Variants in REEP3 observed in about 807,000 individuals in gnomAD.
The protein encoded by REEP3 is receptor accessory protein 3.
REEP3 carries 20 observed loss-of-function variants against 41.3 expected under a neutral mutation model. The ratio of observed to expected loss-of-function variants is 0.48; its 90% CI spans 0.34 to 0.70. The LOEUF (loss-of-function observed/expected upper bound fraction) is 0.70. REEP3 is among the 30% of genes least tolerant of loss of function. The pLI is 0.01. For synonymous variants in REEP3, 104 were observed against 101.8 expected (o/e 1.02, Z -0.13); for missense variants, 271 against 308.8 (o/e 0.88, Z 0.92).
intron 2 of REEP3, among the ~76,000 whole-genome samples, chr10:63,592,262 G>C (rs1956071127): frequency 6.6e-6 from 1 of 152,130 alleles, no homozygotes; most frequent in Non-Finnish European, 1.5e-5. Context: ...CAGTGATCTT[G>C]AGCAACTTAT....
chr10:63,543,852 G>A (rs1955553465), intron 1 of REEP3, among the ~76,000 whole-genome samples: 1 of 152,092 alleles, frequency 6.6e-6, no homozygotes. Context: ...TGTGTACCGT[G>A]TGCCTGGCAT....
intron 3 of REEP3, 103 bp from the exon 4 acceptor site, chr10:63,597,919 AAC>A: frequency 4.8e-6 from 5 of 1,050,420 alleles, no homozygotes; most frequent in South Asian, 1.7e-5. Flanking sequence ...AAAAAAAAAA[AAC>A]AAAAAACAGC....
chr10:63,609,817 A>C (rs996991625), intron 5 of REEP3, among the ~76,000 whole-genome samples: 5 of 152,132 alleles, frequency 3.3e-5, no homozygotes, highest in Non-Finnish European at 7.4e-5. Context: ...AGTTGCCCTA[A>C]ATATTAAAGT....
intron 1 of REEP3, among the ~76,000 whole-genome samples, chr10:63,544,784 G>A (rs569458653): frequency 6.6e-6 from 1 of 152,126 alleles, no homozygotes; most frequent in South Asian, 2.1e-4. Flanking sequence ...TGGATAATAT[G>A]TAGTAAGTTT....
At chr10:63,557,510 T>G (rs537587018) in intron 1 of REEP3, among the ~76,000 whole-genome samples, 1 of 152,348 alleles carries the variant, frequency 6.6e-6, no homozygotes, top group African/African-American at 2.4e-5. Flanking sequence ...GTTTTCTTCC[T>G]TATTCTATTG....
chr10:63,537,800 A>G (rs1363231638), intron 1 of REEP3, among the ~76,000 whole-genome samples: 1 of 152,204 alleles, frequency 6.6e-6, no homozygotes, highest in Non-Finnish European at 1.5e-5. Context: ...AGAAGGCCAG[A>G]ACCTCTATGA....
At chr10:63,547,955 A>T (rs2133357829) in intron 1 of REEP3, among the ~76,000 whole-genome samples, 1 of 152,352 alleles carries the variant, frequency 6.6e-6, no homozygotes, top group East Asian at 1.9e-4. Flanking sequence ...TGTACAAAGA[A>T]TGCCTATTTT....
At chr10:63,584,097 A>G (rs1474291042) in intron 2 of REEP3, among the ~76,000 whole-genome samples, 1 of 152,220 alleles carries the variant, frequency 6.6e-6, no homozygotes, top group Non-Finnish European at 1.5e-5. Flanking sequence ...GACCAGTGCA[A>G]TGTTGCGACA....
intron 5 of REEP3, among the ~76,000 whole-genome samples, chr10:63,608,766 G>A (rs1205696518): frequency 6.6e-6 from 1 of 152,068 alleles, no homozygotes; most frequent in Non-Finnish European, 1.5e-5. Flanking sequence ...TACATGAACA[G>A]TTCAGAAAAT....
chr10:63,572,476 CT>C (rs1354440667), intron 2 of REEP3, among the ~76,000 whole-genome samples: 1 of 152,144 alleles, frequency 6.6e-6, no homozygotes, highest in Non-Finnish European at 1.5e-5. Context: ...CTCCTTGCCC[CT>C]GACCCTCCAA....
intron 2 of REEP3, 129 bp from the exon 3 acceptor site, chr10:63,594,649 T>C: frequency 1.5e-6 from 1 of 655,982 alleles, no homozygotes; most frequent in South Asian, 1.9e-5. Flanking sequence ...CCCAACATAC[T>C]ATGTATCCAG....
chr10:63,578,191 G>C (rs1452870784), intron 2 of REEP3, among the ~76,000 whole-genome samples: 5 of 152,024 alleles, frequency 3.3e-5, no homozygotes, highest in African/African-American at 4.8e-5. Context: ...CCTCCACCTC[G>C]CAGGTTCAAG....
chr10:63,533,757 G>T (rs532028058), intron 1 of REEP3, among the ~76,000 whole-genome samples: 1 of 123,380 alleles, frequency 8.1e-6, no homozygotes, highest in East Asian at 2.6e-4. Context: ...TCCCAGGCTG[G>T]AGTGCAGTGG....
intron 3 of REEP3, among the ~76,000 whole-genome samples, chr10:63,595,352 G>A (rs1354370742): frequency 6.6e-6 from 1 of 152,212 alleles, no homozygotes; most frequent in African/African-American, 2.4e-5. Flanking sequence ...AAATTAAAGT[G>A]TGTTTATATC....
intron 6 of REEP3, among the ~76,000 whole-genome samples, chr10:63,618,237 CTTTTTTTTTTTT>C (rs60115766): frequency 1.5e-5 from 1 of 66,576 alleles, no homozygotes; most frequent in Non-Finnish European, 2.9e-5. Flanking sequence ...TTTCCTTCTT[CTTTTTTTTTTTT>C]TTTTTTTTTT....
Position 63,622,793 on chromosome 10 carries a change from G to C in REEP3, c.*1924G>C, listed in dbSNP as rs1038504070. On this transcript the variant is annotated 3_prime_UTR_variant, in exon 8 of 8. Coordinates refer to ENST00000373758, the MANE Select transcript of REEP3 (RefSeq NM_001001330.3). ...GCGATCTCGGCTCACTACAACCTCT[G>C]CCTCCCGGGTTCGAGCGATTCTCCT... 5 of 141,372 alleles carry C rather than the reference G, an allele frequency of 3.5e-5. No individual in the cohort carries two copies. The highest frequency in any genetic ancestry group is 3.1e-4 in the Admixed American group (4 of 12,790). 8.8% of individuals were successfully genotyped at this position (141,372 alleles called of 1,614,324 possible). A position where few individuals can be genotyped will look rare whatever the true frequency, so the allele number is the denominator to read the frequency against.
At chr10:63,528,189 C>T (rs1450977512) in intron 1 of REEP3, among the ~76,000 whole-genome samples, 1 of 152,124 alleles carries the variant, frequency 6.6e-6, no homozygotes, top group Non-Finnish European at 1.5e-5. Flanking sequence ...GCGTTCTTTG[C>T]TCCACGTGGA....
intron 1 of REEP3, 71 bp downstream of exon 1, chr10:63,521,648 A>C: frequency 8.4e-7 from 1 of 1,191,382 alleles, no homozygotes; most frequent in Non-Finnish European, 1.1e-6. Flanking sequence ...GAAGGAGCCG[A>C]GAGGAAAGGG....
At chr10:63,524,348 A>G (rs554235257) in intron 1 of REEP3, among the ~76,000 whole-genome samples, 4 of 151,954 alleles carry the variant, frequency 2.6e-5, no homozygotes, top group African/African-American at 9.7e-5. Context: ...TGGGCAGGGA[A>G]CCTCCATAAC....
Sources: gnomAD v4.1 joint callset for allele counts (sites outside exome capture counted in the v4.1 genomes callset) on GRCh38, gnomAD v4.1.1 for gene constraint, MANE v1.5 for transcripts, NCBI Gene and HGNC (gene_info 2026-07-23, HGNC 2026-07-21) for gene names.